Variants in BCAS3 observed in about 807,000 individuals in gnomAD.
BCAS3 encodes BCAS3 microtubule associated cell migration factor.
BCAS3 carries 53 observed loss-of-function variants against 116.1 expected under a neutral mutation model. The ratio of observed to expected loss-of-function variants is 0.46; its 90% CI spans 0.37 to 0.57. BCAS3 has a LOEUF of 0.57. BCAS3 is among the 20% of genes least tolerant of loss of function. The probability of loss-of-function intolerance (pLI) is 0.00; values close to 1 mark genes in which losing one functional copy is unlikely to be tolerated. For synonymous variants in BCAS3, 391 were observed against 408.2 expected, an observed-to-expected ratio of 0.96 and a Z score of 0.51; for missense variants, 917 against 1,165.4, an observed-to-expected ratio of 0.79 and a Z score of 3.10.
chr17:61,008,579 CTTAG>C lies in BCAS3; in HGVS notation c.1487-7168_1487-7165del, dbSNP rs1167764406. On this transcript the variant is annotated intron_variant, in intron 15 of 23. Coordinates refer to ENST00000407086, the MANE Select transcript of BCAS3 (RefSeq NM_017679.5). The surrounding 1 kb of genome is among the most constrained non-coding windows in gnomAD (Gnocchi z 4.6). ...CAGAGCTTTTCAACTACAGAATTAA[CTTAG>C]TTAAACTCCTTGGTATATTTTAGAT... Among the ~76,000 whole-genome samples, 3 of 152,056 alleles carry C rather than the reference CTTAG, an allele frequency of 2.0e-5. No individual in the cohort carries two copies. The highest frequency in any genetic ancestry group is 1.9e-4 in the East Asian group (1 of 5,172).
rs1179237421 is a variant in BCAS3, at chr17:61,380,463, A to G, written c.2594-11514A>G. Reference sequence around the variant, plus strand: ...GCTCTTCCTGCTCTCTTAAAGGTCCAGTTTGTGATCCGCTTTAAAGGAATA... The same window carrying G: ...GCTCTTCCTGCTCTCTTAAAGGTCCGGTTTGTGATCCGCTTTAAAGGAATA... On this transcript the variant is annotated intron_variant, in intron 23 of 23. Transcript: ENST00000407086. This position sits in a 1 kb window ranked among gnomAD's most constrained non-coding sequence, Gnocchi z 4.2. 1 of 1,555,300 alleles carries G rather than the reference A, an allele frequency of 6.4e-7. No homozygotes were observed. The highest frequency in any genetic ancestry group is 8.7e-7 in the Non-Finnish European group (1 of 1,143,378).
intron 5 of BCAS3, among the ~76,000 whole-genome samples, chr17:60,731,765 G>A (rs889803800): frequency 2.0e-5 from 3 of 149,338 alleles, no homozygotes; most frequent in African/African-American, 7.5e-5. Flanking sequence ...TCATGTATCC[G>A]CTTATCACCC....
chr17:60,973,519 T>TC (rs2062092531), intron 14 of BCAS3, among the ~76,000 whole-genome samples: 1 of 151,536 alleles, frequency 6.6e-6, no homozygotes, highest in African/African-American at 2.4e-5. Flanking sequence ...ACAACTTTCC[T>TC]CCTGCCCTTT....
In BCAS3 at chr17:61,365,272, C is replaced by G. The variant is rs769749514; in HGVS notation, c.2426-3055C>G. Among the ~76,000 whole-genome samples, 1 of 152,180 alleles carries G rather than the reference C, an allele frequency of 6.6e-6. No homozygotes were observed. Among genetic ancestry groups the G allele is most frequent in the Non-Finnish European group, 1.5e-5 (1 of 68,034 alleles). On this transcript the variant is annotated intron_variant, in intron 22 of 23. Transcript: ENST00000407086. The surrounding 1 kb of genome is among the most constrained non-coding windows in gnomAD (Gnocchi z 4.6). Reference sequence around the variant, plus strand: ...TACATATTCCTCTGGCCTTTACCATCTCTTATGGACTGGGCCCAACATCTT... The same window carrying G: ...TACATATTCCTCTGGCCTTTACCATGTCTTATGGACTGGGCCCAACATCTT...
At chr17:60,847,896 A>C (rs1190639275) in intron 7 of BCAS3, among the ~76,000 whole-genome samples, 1 of 152,200 alleles carries the variant, frequency 6.6e-6, no homozygotes, top group Admixed American at 6.5e-5. Flanking sequence ...TTTTGGTATC[A>C]TATCTGAGAA....
intron 22 of BCAS3, among the ~76,000 whole-genome samples, chr17:61,283,599 G>A (rs993507178): frequency 2.7e-5 from 4 of 149,690 alleles, no homozygotes; most frequent in Non-Finnish European, 5.9e-5. Flanking sequence ...GACTACAGGC[G>A]ACCGCCACCA....
rs2057639446 is a variant in BCAS3, at chr17:61,348,516, G to C, written c.2426-19811G>C. On this transcript the variant is annotated intron_variant, in intron 22 of 23. Transcript: ENST00000407086. The surrounding 1 kb of genome is among the most constrained non-coding windows in gnomAD (Gnocchi z 4.5). Reference sequence around the variant, plus strand: ...TACAGAGAAAGAAGAGAAGAGGACTGAGGGCACCAAAATTTGAGTTGCAGA... The same window carrying C: ...TACAGAGAAAGAAGAGAAGAGGACTCAGGGCACCAAAATTTGAGTTGCAGA... 6.6e-6 allele frequency among the ~76,000 whole-genome samples: 1 copy of C among 152,118 alleles called. No homozygotes were observed. Among genetic ancestry groups the C allele is most frequent in the Non-Finnish European group, 1.5e-5 (1 of 68,012 alleles).
At chr17:61,195,988 T>C (rs1369789298) in intron 22 of BCAS3, among the ~76,000 whole-genome samples, 1 of 152,254 alleles carries the variant, frequency 6.6e-6, no homozygotes, top group African/African-American at 2.4e-5. Context: ...TTTTTATTTA[T>C]GGACATTGAT....
At chr17:60,713,279 T>G (rs958004165) in intron 5 of BCAS3, among the ~76,000 whole-genome samples, 2 of 152,326 alleles carry the variant, frequency 1.3e-5, no homozygotes, top group South Asian at 2.1e-4. Context: ...TGTAAAAGAT[T>G]AGTATGTACC....
intron 22 of BCAS3, among the ~76,000 whole-genome samples, chr17:61,312,617 T>C (rs2054402453): frequency 6.6e-6 from 1 of 152,136 alleles, no homozygotes; most frequent in African/African-American, 2.4e-5. Context: ...TTGATCTGAG[T>C]TGCTTCTGTC....
chr17:61,016,622 A>G lies in BCAS3; in HGVS notation c.1637+721A>G, dbSNP rs2065473971. Among the ~76,000 whole-genome samples the G allele has an allele frequency of 3.3e-5, 5 of 152,332 alleles. No individual in the cohort carries two copies. In the South Asian group the frequency reaches 8.3e-4, roughly 25 times the overall value. On this transcript the variant is annotated intron_variant, in intron 16 of 23. Transcript: ENST00000407086. Reference sequence around the variant, plus strand: ...ACACTGGAAATCCATTTTATATCAGAAAATATATGTCTATAGGCAAATTAT... The same window carrying G: ...ACACTGGAAATCCATTTTATATCAGGAAATATATGTCTATAGGCAAATTAT...
intron 6 of BCAS3, among the ~76,000 whole-genome samples, chr17:60,750,344 TAA>T (rs2144278093): frequency 6.6e-6 from 1 of 152,270 alleles, no homozygotes; most frequent in African/African-American, 2.4e-5. Flanking sequence ...CTGAATATGA[TAA>T]AAGTTATCTG....
At chr17:61,197,479 A>G (rs1028964108) in intron 22 of BCAS3, among the ~76,000 whole-genome samples, 3 of 152,202 alleles carry the variant, frequency 2.0e-5, no homozygotes, top group African/African-American at 7.2e-5. Context: ...TTCTGCTTTG[A>G]CATAGAAGTT....
At chr17:60,693,643 G>C (rs2035176007) in intron 4 of BCAS3, among the ~76,000 whole-genome samples, 1 of 151,354 alleles carries the variant, frequency 6.6e-6, no homozygotes, top group Non-Finnish European at 1.5e-5. Context: ...AAACTCCTGG[G>C]CTCAAGCAGT....
chr17:61,168,304 C>A (rs556543562), intron 22 of BCAS3, among the ~76,000 whole-genome samples: 1 of 152,066 alleles, frequency 6.6e-6, no homozygotes, highest in Admixed American at 6.5e-5. Context: ...ATCTATCATG[C>A]GGACCTCTCT....
At position 61,034,261 on chromosome 17, in the gene BCAS3, A is replaced by G. The variant is rs1008643230; in HGVS notation, c.1638-405A>G. 2.6e-5 allele frequency among the ~76,000 whole-genome samples: 4 copies of G among 152,228 alleles called. No individual in the cohort carries two copies. Among genetic ancestry groups the G allele is most frequent in the African/African-American group, 9.6e-5 (4 of 41,454 alleles). ...TGGTGCAAAGGCAGTGGCAAAAACC[A>G]CAATTACTTTTGCATCAACCTAATA... On this transcript the variant is annotated intron_variant, in intron 16 of 23. Coordinates refer to ENST00000407086, the MANE Select transcript of BCAS3 (RefSeq NM_017679.5). This position sits in a 1 kb window ranked among gnomAD's most constrained non-coding sequence, Gnocchi z 5.0.
chr17:60,949,679 G>T (rs1361824141), intron 14 of BCAS3, among the ~76,000 whole-genome samples: 1 of 152,088 alleles, frequency 6.6e-6, no homozygotes, highest in African/African-American at 2.4e-5. Context: ...AGACTAATTG[G>T]GATATCCATT....
chr17:61,128,684 A>G lies in BCAS3; in HGVS notation c.2425+44120A>G, dbSNP rs2076170927. On this transcript the variant is annotated intron_variant, in intron 22 of 23. Coordinates refer to ENST00000407086, the MANE Select transcript of BCAS3 (RefSeq NM_017679.5). The surrounding 1 kb of genome is among the most constrained non-coding windows in gnomAD (Gnocchi z 4.1). ...TTGTTTCTGCATCGTCCTGTCAAAC[A>G]TCTGGAAACCAGCATATTGGCAGTC... 1.2e-6 allele frequency: 1 copy of G among 817,686 alleles called. No homozygotes were observed. Among genetic ancestry groups the G allele is most frequent in the South Asian group, 5.6e-5 (1 of 17,830 alleles). The allele number at this position is 817,686 out of a possible 1,614,324, so 50.7% of individuals were successfully genotyped here.
chr17:61,112,957 G>A (rs2143749964), intron 22 of BCAS3, among the ~76,000 whole-genome samples: 1 of 140,376 alleles, frequency 7.1e-6, no homozygotes. Context: ...TCAACTACAT[G>A]GAAACTGAAC....
Sources: allele counts gnomAD v4.1 joint callset (sites outside exome capture counted in the v4.1 genomes callset), GRCh38; gene constraint gnomAD v4.1.1; non-coding constraint Gnocchi (gnomAD v3.1); transcripts MANE v1.5; gene names NCBI Gene and HGNC (gene_info 2026-07-23, HGNC 2026-07-21).